The following ATF7IP variants were observed in gnomAD, a reference collection of about 807,000 sequenced individuals.
ATF7IP encodes activating transcription factor 7-interacting protein 1.
ATF7IP carries 23 observed loss-of-function variants against 106.4 expected under a neutral mutation model. That is an observed-to-expected ratio of 0.22 (90% confidence interval 0.16 to 0.31). ATF7IP has a LOEUF of 0.31. Ranked by LOEUF, ATF7IP falls within the 10% of genes least tolerant of loss-of-function variation. The pLI is 1.00. For missense variants in ATF7IP, 1,334 were observed against 1,524.3 expected, an observed-to-expected ratio of 0.88 and a Z score of 2.08; for synonymous variants, 542 against 539.0, an observed-to-expected ratio of 1.01 and a Z score of -0.08.
intron 10 of ATF7IP, among the ~76,000 whole-genome samples, chr12:14,469,478 TTTATC>T (rs1282855625): frequency 1.9e-4 from 29 of 151,948 alleles, no homozygotes; most frequent in Non-Finnish European, 3.5e-4. Context: ...TAAATGAAGA[TTTATC>T]TGATATCCCC....
chr12:14,467,570 T>A (rs561305506), intron 10 of ATF7IP, among the ~76,000 whole-genome samples: 1 of 152,274 alleles, frequency 6.6e-6, no homozygotes, highest in East Asian at 1.9e-4. Flanking sequence ...GGAAGATGTA[T>A]AGAAAATGTT....
At position 14,498,516 on chromosome 12, in the gene ATF7IP, TCAAAA is replaced by T. The variant is rs1324137147; in HGVS notation, c.*450_*454del. ...TTTTAGTTAAGTGGGTCAAACAGAA[TCAAAA>T]CAAAACCCAAAGAAATAAATAAAAA... On this transcript the variant is annotated 3_prime_UTR_variant, in exon 15 of 15. Coordinates refer to ENST00000261168, the MANE Select transcript of ATF7IP (RefSeq NM_018179.5). The T allele has an allele frequency of 6.7e-6, 1 of 149,468 alleles. No homozygotes were observed. The highest frequency in any genetic ancestry group is 1.5e-5 in the Non-Finnish European group (1 of 68,538). 9.3% of individuals were successfully genotyped at this position (149,468 alleles called of 1,614,324 possible). A position where few individuals can be genotyped will look rare whatever the true frequency, so the allele number is the denominator to read the frequency against.
intron 1 of ATF7IP, among the ~76,000 whole-genome samples, chr12:14,371,368 A>G (rs749620053): frequency 1.3e-5 from 2 of 152,124 alleles, no homozygotes; most frequent in Non-Finnish European, 2.9e-5. Context: ...TAAGCAGTTT[A>G]TCTTTTTTAA....
At chr12:14,447,150 T>C in intron 6 of ATF7IP, 97 bp downstream of exon 6, 1 of 984,564 alleles carries the variant, frequency 1.0e-6, no homozygotes, top group Non-Finnish European at 1.5e-6. Context: ...AAATCTGAAA[T>C]TTGCTTTCAT....
intron 1 of ATF7IP, among the ~76,000 whole-genome samples, chr12:14,373,308 G>GT (rs1211115905): frequency 3.6e-5 from 2 of 54,986 alleles, no homozygotes; most frequent in African/African-American, 9.0e-5. Context: ...GATGACACAT[G>GT]TTTTTTTCTC....
At chr12:14,497,011 A>G (rs1319248690) in intron 14 of ATF7IP, among the ~76,000 whole-genome samples, 1 of 152,136 alleles carries the variant, frequency 6.6e-6, no homozygotes. Flanking sequence ...AAAAGTTAAT[A>G]CTTGTTCTTG....
chr12:14,404,447 G>A (rs1940441141), intron 1 of ATF7IP, among the ~76,000 whole-genome samples: 1 of 152,056 alleles, frequency 6.6e-6, no homozygotes, highest in Non-Finnish European at 1.5e-5. Context: ...TGCTTAAACA[G>A]TACATTTTTA....
chr12:14,397,067 CAGG>C (rs1415690724), intron 1 of ATF7IP, among the ~76,000 whole-genome samples: 2 of 152,078 alleles, frequency 1.3e-5, no homozygotes, highest in Non-Finnish European at 2.9e-5. Flanking sequence ...GAGGCTGAGG[CAGG>C]AGAATTGCTT....
intron 11 of ATF7IP, chr12:14,476,561 A>G (rs1944270976): frequency 6.6e-6 from 1 of 152,270 alleles, no homozygotes; most frequent in South Asian, 2.1e-4. Flanking sequence ...TTGCAAAAAA[A>G]TCCTGTAATA....
At chr12:14,391,972 C>T (rs575570975) in intron 1 of ATF7IP, among the ~76,000 whole-genome samples, 71 of 152,298 alleles carry the variant, frequency 4.7e-4, no homozygotes, top group Middle Eastern at 3.4e-3. Flanking sequence ...CTGCCTGCCT[C>T]GGCCTCCAAA....
At chr12:14,455,420 G>T (rs1475031307) in intron 6 of ATF7IP, among the ~76,000 whole-genome samples, 2 of 152,094 alleles carry the variant, frequency 1.3e-5, no homozygotes, top group African/African-American at 4.8e-5. Flanking sequence ...CTAGAAGGTT[G>T]AAATTATTGT....
chr12:14,464,722 C>T (rs962399375), intron 9 of ATF7IP, among the ~76,000 whole-genome samples: 3 of 152,070 alleles, frequency 2.0e-5, no homozygotes, highest in African/African-American at 7.2e-5. Context: ...TCTGTAATAA[C>T]GGGCAAGGAA....
chr12:14,443,498 G>T (rs1248295196), intron 5 of ATF7IP, among the ~76,000 whole-genome samples: 1 of 152,202 alleles, frequency 6.6e-6, no homozygotes, highest in Non-Finnish European at 1.5e-5. Flanking sequence ...GAAAAATAGT[G>T]TGATCATCTC....
chr12:14,498,224 A>G lies in ATF7IP; in HGVS notation c.*151A>G. The G allele has an allele frequency of 1.4e-6, 1 of 717,496 alleles. No homozygotes were observed. Among genetic ancestry groups the G allele is most frequent in the Non-Finnish European group, 2.2e-6 (1 of 445,368 alleles). The allele number at this position is 717,496 out of a possible 1,614,324, so 44.4% of individuals were successfully genotyped here. A position where few individuals can be genotyped will look rare whatever the true frequency, so the allele number is the denominator to read the frequency against. On this transcript the variant is annotated 3_prime_UTR_variant, in exon 15 of 15. Coordinates refer to ENST00000261168, the MANE Select transcript of ATF7IP (RefSeq NM_018179.5). ...ACTACATTTGTTTATAACCAGAAGC[A>G]AAATAAACTCAGCCCACAAAGCTAG...
chr12:14,388,445 C>G (rs1171034178), intron 1 of ATF7IP, among the ~76,000 whole-genome samples: 1 of 151,824 alleles, frequency 6.6e-6, no homozygotes, highest in Non-Finnish European at 1.5e-5. Context: ...CTCCCAGGTT[C>G]AAGTGATTCT....
chr12:14,494,312 T>C (rs1944929899), intron 13 of ATF7IP, among the ~76,000 whole-genome samples: 1 of 97,154 alleles, frequency 1.0e-5, no homozygotes, highest in East Asian at 2.7e-4. Context: ...TATATATATA[T>C]ATATATATAT....
intron 9 of ATF7IP, among the ~76,000 whole-genome samples, chr12:14,461,391 T>C (rs895940803): frequency 6.6e-6 from 1 of 152,188 alleles, no homozygotes; most frequent in African/African-American, 2.4e-5. Context: ...TGGTGAATTT[T>C]TAATTTATGG....
At chr12:14,366,149 A>G (rs1938283930) in intron 1 of ATF7IP, among the ~76,000 whole-genome samples, 1 of 152,210 alleles carries the variant, frequency 6.6e-6, no homozygotes, top group East Asian at 1.9e-4. Context: ...AAATTCTCAC[A>G]ATTTTCAAGA....
chr12:14,470,653 T>C (rs147962292), intron 10 of ATF7IP, among the ~76,000 whole-genome samples: 87 of 152,332 alleles, frequency 5.7e-4, no homozygotes, highest in African/African-American at 2.0e-3. Flanking sequence ...CTAGAGCTAG[T>C]ACTTACCACA....
Sources: allele counts gnomAD v4.1 joint callset (sites outside exome capture counted in the v4.1 genomes callset), GRCh38; gene constraint gnomAD v4.1.1; transcripts MANE v1.5; gene names NCBI Gene and HGNC (gene_info 2026-07-23, HGNC 2026-07-21).